The following MAGI1 variants were observed in gnomAD, a reference collection of about 807,000 sequenced individuals.
MAGI1 encodes membrane-associated guanylate kinase, WW and PDZ domain-containing protein 1.
MAGI1 carries 58 observed loss-of-function variants against 139.9 expected under a neutral mutation model. That is an observed-to-expected ratio of 0.41 (90% CI 0.34 to 0.52). The LOEUF (loss-of-function observed/expected upper bound fraction) is 0.52, where lower values mean the gene tolerates loss of function less well. Ranked by LOEUF, MAGI1 falls within the 20% of genes least tolerant of loss-of-function variation. The probability of loss-of-function intolerance (pLI) is 0.12; values close to 1 mark genes in which losing one functional copy is unlikely to be tolerated. For missense variants in MAGI1, 1,874 were observed against 1,901.6 expected, an observed-to-expected ratio of 0.99 and a Z score of 0.27; for synonymous variants, 812 against 737.9, an observed-to-expected ratio of 1.10 and a Z score of -1.63.
intron 1 of MAGI1, among the ~76,000 whole-genome samples, chr3:65,991,428 C>T (rs1478004346): frequency 6.6e-6 from 1 of 151,912 alleles, no homozygotes; most frequent in Admixed American, 6.6e-5. Flanking sequence ...TTCTGAGTGT[C>T]CTTCCTCAAT....
intron 1 of MAGI1, among the ~76,000 whole-genome samples, chr3:65,856,227 G>A (rs566777635): frequency 2.0e-4 from 31 of 152,208 alleles, no homozygotes; most frequent in African/African-American, 6.0e-4. Context: ...TCCAGGCATC[G>A]CCCTCGGGTT....
chr3:65,563,451 T>G (rs902091488), intron 2 of MAGI1, among the ~76,000 whole-genome samples: 2 of 152,256 alleles, frequency 1.3e-5, no homozygotes, highest in Middle Eastern at 3.4e-3. Flanking sequence ...GGAATGTGAT[T>G]CCTGAAGTGA....
chr3:65,471,891 A>G (rs1950579973), intron 4 of MAGI1, among the ~76,000 whole-genome samples: 1 of 152,192 alleles, frequency 6.6e-6, no homozygotes, highest in African/African-American at 2.4e-5. Context: ...TGCTGGAGCC[A>G]TCTTGACAAA....
intron 1 of MAGI1, among the ~76,000 whole-genome samples, chr3:65,904,123 CA>C (rs1195603131): frequency 2.0e-5 from 3 of 152,154 alleles, no homozygotes; most frequent in East Asian, 3.9e-4. Context: ...AAGATTGTGC[CA>C]TAACTTTTTG....
chr3:65,763,933 G>A (rs964501674), intron 1 of MAGI1, among the ~76,000 whole-genome samples: 7 of 151,666 alleles, frequency 4.6e-5, no homozygotes, highest in African/African-American at 1.7e-4. Flanking sequence ...TTAGCCAGGT[G>A]TGGTCGCTGG....
intron 1 of MAGI1, among the ~76,000 whole-genome samples, chr3:65,883,954 A>C (rs2060435230): frequency 1.3e-5 from 2 of 152,238 alleles, no homozygotes; most frequent in Non-Finnish European, 2.9e-5. Context: ...GAAAAAAGAA[A>C]AGAATTCTTT....
intron 5 of MAGI1, among the ~76,000 whole-genome samples, chr3:65,455,556 A>T (rs1353495103): frequency 2.0e-5 from 3 of 152,034 alleles, no homozygotes; most frequent in African/African-American, 7.2e-5. Flanking sequence ...ACAAAAAAAT[A>T]CAAAAAAATT....
At chr3:66,003,033 A>G (rs2066830039) in intron 1 of MAGI1, among the ~76,000 whole-genome samples, 1 of 151,992 alleles carries the variant, frequency 6.6e-6, no homozygotes, top group African/African-American at 2.4e-5. Flanking sequence ...TATTAGATCT[A>G]TAGTCATGTA....
rs879363817 is a variant in MAGI1 at position 65,813,735 on chromosome 3, A to G, written c.314-191647T>C. On this transcript the variant is annotated intron_variant, in intron 1 of 22. Coordinates refer to ENST00000402939, the MANE Select transcript of MAGI1 (RefSeq NM_001033057.2). ...TGCTTAGGGTACACAGATGTTTAGA[A>G]CAATTAAAGTCATAAAATGGTATTT... 6.6e-5 allele frequency among the ~76,000 whole-genome samples: 10 copies of G among 152,232 alleles called. No homozygotes were observed. In the South Asian group the frequency reaches 8.3e-4, roughly 13 times the overall value.
chr3:65,609,847 G>C, intron 2 of MAGI1: 1 of 246,078 alleles, frequency 4.1e-6, no homozygotes, highest in African/African-American at 2.3e-5. Context: ...AAAGTGTTGG[G>C]ATTATAGGCT....
chr3:65,776,061 T>C (rs2038392674), intron 1 of MAGI1, among the ~76,000 whole-genome samples: 1 of 152,170 alleles, frequency 6.6e-6, no homozygotes, highest in African/African-American at 2.4e-5. Context: ...GCCCCAAATC[T>C]AGTCAAATAA....
chr3:65,961,727 A>G (rs1319798587), intron 1 of MAGI1, among the ~76,000 whole-genome samples: 1 of 152,216 alleles, frequency 6.6e-6, no homozygotes, highest in Non-Finnish European at 1.5e-5. Flanking sequence ...GTGAACTGAT[A>G]TCAAAGAACC....
intron 2 of MAGI1, among the ~76,000 whole-genome samples, chr3:65,507,318 C>A (rs1277851558): frequency 6.6e-6 from 1 of 152,104 alleles, no homozygotes; most frequent in East Asian, 1.9e-4. Context: ...TGGTATTTAC[C>A]TTGAAGGGGT....
chr3:65,681,739 T>C (rs1410950173), intron 1 of MAGI1, among the ~76,000 whole-genome samples: 9 of 152,240 alleles, frequency 5.9e-5, no homozygotes, highest in Admixed American at 5.9e-4. Flanking sequence ...TTCTCAATCA[T>C]ACAGCTAAAT....
intron 5 of MAGI1, among the ~76,000 whole-genome samples, chr3:65,467,161 GTCT>G (rs1950227000): frequency 6.6e-6 from 1 of 152,114 alleles, no homozygotes; most frequent in Non-Finnish European, 1.5e-5. Context: ...TCCTTTCAAA[GTCT>G]TCTTATGTTT....
chr3:65,805,022 C>T (rs1559899533), intron 1 of MAGI1, among the ~76,000 whole-genome samples: 1 of 152,108 alleles, frequency 6.6e-6, no homozygotes, highest in Non-Finnish European at 1.5e-5. Flanking sequence ...AGGATATAGG[C>T]ATGGGAAAAG....
At chr3:65,551,347 C>A (rs1475035404) in intron 2 of MAGI1, among the ~76,000 whole-genome samples, 1 of 152,170 alleles carries the variant, frequency 6.6e-6, no homozygotes, top group African/African-American at 2.4e-5. Flanking sequence ...GTCACCCAGG[C>A]TGGAGTGCAG....
At position 65,470,491 on chromosome 3, in the gene MAGI1, A is replaced by T. The variant is rs746985720; in HGVS notation, c.758-7T>A. On this transcript the variant is annotated splice_region_variant and splice_polypyrimidine_tract_variant and intron_variant, in intron 4 of 22. Transcript: ENST00000402939. ...TCTTGTTCACCAGAATCGGCTGCTT[A>T]ATCATGTGAAGAGGTGAGAGAGAGA... is the stretch of plus-strand genomic sequence containing the variant. The T allele has an allele frequency of 4.4e-6, 7 of 1,603,448 alleles. No individual in the cohort carries two copies. The highest frequency in any genetic ancestry group is 1.3e-5 in the African/African-American group (1 of 74,378).
At chr3:65,600,444 T>A (rs551571565) in intron 2 of MAGI1, among the ~76,000 whole-genome samples, 2 of 152,310 alleles carry the variant, frequency 1.3e-5, no homozygotes, top group African/African-American at 4.8e-5. Context: ...AAAGAGTCCA[T>A]GAAAATCTAC....
Sources: allele counts gnomAD v4.1 joint callset (sites outside exome capture counted in the v4.1 genomes callset), GRCh38; gene constraint gnomAD v4.1.1; transcripts MANE v1.5; gene names NCBI Gene and HGNC (gene_info 2026-07-23, HGNC 2026-07-21).